The following LSAMP variants were observed in gnomAD, a reference collection of about 807,000 sequenced individuals.
LSAMP encodes limbic system associated membrane protein.
LSAMP carries 7 observed loss-of-function variants against 38.6 expected under a neutral mutation model. The observed-to-expected ratio is 0.18, with a 90% CI of 0.10 to 0.34. The LOEUF (loss-of-function observed/expected upper bound fraction) is 0.34. Among genes scored for constraint, LSAMP ranks in the 10% least tolerant of loss-of-function variants. The pLI is 1.00. For synonymous variants in LSAMP, 154 were observed against 166.8 expected (o/e 0.92, Z 0.59); for missense variants, 313 against 420.0 (o/e 0.75, Z 2.23).
intron 1 of LSAMP, among the ~76,000 whole-genome samples, chr3:116,335,567 C>A (rs1204439620): frequency 6.6e-6 from 1 of 152,006 alleles, no homozygotes; most frequent in African/African-American, 2.4e-5. Context: ...TTTGCATATG[C>A]AGATGTCCTT....
At chr3:116,350,420 T>A (rs1313308277) in intron 1 of LSAMP, among the ~76,000 whole-genome samples, 1 of 152,052 alleles carries the variant, frequency 6.6e-6, no homozygotes, top group East Asian at 1.9e-4. Context: ...AAATATTAAA[T>A]GGAAAATTCT....
At chr3:116,383,294 G>A (rs2048585895) in intron 1 of LSAMP, among the ~76,000 whole-genome samples, 1 of 151,934 alleles carries the variant, frequency 6.6e-6, no homozygotes, top group African/African-American at 2.4e-5. Context: ...TCCATTTTCT[G>A]TGTCATGGAC....
rs111883470 is a variant in LSAMP at position 116,198,571 on chromosome 3, C to T, written c.156-112015G>A. On this transcript the variant is annotated intron_variant, in intron 1 of 6. Coordinates refer to ENST00000490035, the MANE Select transcript of LSAMP (RefSeq NM_002338.5). ...GATCACGAGGCCAGGAGATCGAGAC[C>T]ATCCCGGCTAACACAGTGAAACCCC... Among the ~76,000 whole-genome samples, 646 of 150,674 alleles carry T rather than the reference C, an allele frequency of 4.3e-3. 7 individuals are homozygous for T. Among genetic ancestry groups the T allele is most frequent in the African/African-American group, 0.015 (608 of 40,978 alleles).
chr3:116,164,166 G>A (rs1709973577), intron 1 of LSAMP, among the ~76,000 whole-genome samples: 1 of 152,056 alleles, frequency 6.6e-6, no homozygotes, highest in Non-Finnish European at 1.5e-5. Context: ...CATACACCAT[G>A]CTTCTTAAAT....
chr3:115,844,375 G>A lies in LSAMP; in HGVS notation c.650-1797C>T, dbSNP rs560041168. On this transcript the variant is annotated intron_variant, in intron 4 of 6. Coordinates refer to ENST00000490035, the MANE Select transcript of LSAMP (RefSeq NM_002338.5). ...TGACTCTACTTCTAACCAGAGCTGT[G>A]GTCTGGGAAAACATCTGTACCAGTT... 2.6e-5 allele frequency among the ~76,000 whole-genome samples: 4 copies of A among 152,220 alleles called. No homozygotes were observed. The East Asian group carries it at 7.7e-4, about 29-fold the overall frequency.
intron 3 of LSAMP, among the ~76,000 whole-genome samples, chr3:115,911,191 A>G (rs369032280): frequency 5.9e-5 from 9 of 152,334 alleles, no homozygotes; most frequent in Admixed American, 2.0e-4. Flanking sequence ...TAAAAGCTCA[A>G]TAAATGACAG....
intron 1 of LSAMP, among the ~76,000 whole-genome samples, chr3:116,113,400 CTATATA>C (rs5851991): frequency 2.3e-5 from 2 of 87,136 alleles, no homozygotes; most frequent in African/African-American, 8.8e-5. Flanking sequence ...TATGTTTGCC[CTATATA>C]TATATATATA....
intron 3 of LSAMP, among the ~76,000 whole-genome samples, chr3:116,003,502 C>A (rs1264365561): frequency 1.3e-5 from 2 of 152,118 alleles, no homozygotes; most frequent in Non-Finnish European, 2.9e-5. Flanking sequence ...TTCTTTAAAG[C>A]AGATTGTAGT....
chr3:116,443,058 T>C lies in LSAMP; in HGVS notation c.155+1819A>G, dbSNP rs116614326. Among the ~76,000 whole-genome samples the C allele has an allele frequency of 4.5e-3, 680 of 152,316 alleles. 6 individuals carry two copies. Among genetic ancestry groups the C allele is most frequent in the African/African-American group, 0.015 (638 of 41,578 alleles). On this transcript the variant is annotated intron_variant, in intron 1 of 6. Transcript: ENST00000490035. The stretch of plus-strand genomic sequence containing the variant: ...CTCAAGGACACTGAAATAAAAAACA[T>C]ATACATTCAAGTTATTCATTTTTCT...
At chr3:116,194,377 TTTTG>T (rs138140039) in intron 1 of LSAMP, among the ~76,000 whole-genome samples, 31,070 of 151,012 alleles carry the variant, frequency 0.21, 3,226 homozygotes, top group Admixed American at 0.25. Flanking sequence ...GGGAATTGTT[TTTTG>T]TTTGTTTGTT....
At chr3:116,010,275 T>C (rs1940287713) in intron 3 of LSAMP, among the ~76,000 whole-genome samples, 1 of 152,244 alleles carries the variant, frequency 6.6e-6, no homozygotes, top group African/African-American at 2.4e-5. Context: ...ATGTACATTA[T>C]ATAGTACTGT....
intron 1 of LSAMP, among the ~76,000 whole-genome samples, chr3:116,249,160 A>AAAG (rs2046645724): frequency 6.6e-6 from 1 of 151,536 alleles, no homozygotes; most frequent in Non-Finnish European, 1.5e-5. Flanking sequence ...AAAAAAAAAA[A>AAAG]AAGGACTAAA....
intron 1 of LSAMP, among the ~76,000 whole-genome samples, chr3:116,291,279 G>A (rs1461130): frequency 6.6e-6 from 1 of 152,138 alleles, no homozygotes; most frequent in Non-Finnish European, 1.5e-5. Context: ...TGGGAGTATA[G>A]CTAGGTCTTT....
chr3:116,295,246 T>TAAGG (rs906892301), intron 1 of LSAMP, among the ~76,000 whole-genome samples: 15 of 152,298 alleles, frequency 9.8e-5, no homozygotes, highest in African/African-American at 2.6e-4. Flanking sequence ...TGAATAAAAG[T>TAAGG]AAGGATGAGG....
intron 1 of LSAMP, among the ~76,000 whole-genome samples, chr3:116,396,655 C>A (rs191294596): frequency 5.1e-4 from 78 of 152,260 alleles, no homozygotes; most frequent in African/African-American, 1.7e-3. Context: ...AGCAGTATAT[C>A]CATTATATCT....
intron 3 of LSAMP, among the ~76,000 whole-genome samples, chr3:115,915,430 CT>C (rs1284076739): frequency 6.6e-6 from 1 of 152,094 alleles, no homozygotes; most frequent in Non-Finnish European, 1.5e-5. Flanking sequence ...CAGTTCCTTC[CT>C]TTTTTATAGA....
chr3:116,018,107 G>A (rs1227810579), intron 3 of LSAMP, among the ~76,000 whole-genome samples: 1 of 152,098 alleles, frequency 6.6e-6, no homozygotes, highest in Non-Finnish European at 1.5e-5. Context: ...GAGTCAATGA[G>A]TTTAAGATTG....
intron 3 of LSAMP, among the ~76,000 whole-genome samples, chr3:115,991,889 G>A (rs970857228): frequency 6.6e-6 from 1 of 151,974 alleles, no homozygotes; most frequent in African/African-American, 2.4e-5. Flanking sequence ...GCAGGAATAA[G>A]GCCATGCCAT....
At chr3:116,408,086 G>T (rs1307511126) in intron 1 of LSAMP, among the ~76,000 whole-genome samples, 4 of 152,030 alleles carry the variant, frequency 2.6e-5, no homozygotes, top group African/African-American at 9.7e-5. Context: ...CATGGACTCT[G>T]AGAAATATGT....
Sources: allele counts gnomAD v4.1 joint callset (sites outside exome capture counted in the v4.1 genomes callset), GRCh38; gene constraint gnomAD v4.1.1; transcripts MANE v1.5; gene names NCBI Gene and HGNC (gene_info 2026-07-23, HGNC 2026-07-21).